Variants in GART observed in about 807,000 individuals in gnomAD.
GART encodes phosphoribosylglycinamide formyltransferase, phosphoribosylglycinamide synthetase, phosphoribosylaminoimidazole synthetase.
GART carries 43 observed loss-of-function variants against 107.2 expected under a neutral mutation model. The observed-to-expected ratio is 0.40, with a 90% confidence interval of 0.31 to 0.52. GART has a LOEUF of 0.52. GART is among the 20% of genes least tolerant of loss of function. The pLI is 0.52. For synonymous variants in GART, 434 were observed against 427.0 expected (o/e 1.02, Z -0.20); for missense variants, 1,107 against 1,206.5 (o/e 0.92, Z 1.22).
In GART at chr21:33,506,207, G is replaced by C. The variant is rs1036262304; in HGVS notation, c.2453-103C>G. 7 of 1,304,640 alleles carry C rather than the reference G, an allele frequency of 5.4e-6. No individual in the cohort carries two copies. In the East Asian group the frequency reaches 1.6e-4, roughly 30 times the overall value. The allele number at this position is 1,304,640 out of a possible 1,614,324, so 80.8% of individuals were successfully genotyped here. Reference sequence around the variant, plus strand: ...GCCCAGGCTAGGAGTGCAGTGCCACGATCTGGGTTCACTGCAACCTCCACC... The same window carrying C: ...GCCCAGGCTAGGAGTGCAGTGCCACCATCTGGGTTCACTGCAACCTCCACC... On this transcript the variant is annotated intron_variant, in intron 18 of 21. Coordinates refer to ENST00000381815, the MANE Select transcript of GART (RefSeq NM_000819.5).
At chr21:33,532,582 T>G (rs1341451068) in intron 4 of GART, 126 bp from the exon 5 acceptor site, 16 of 719,216 alleles carry the variant, frequency 2.2e-5, no homozygotes, top group Non-Finnish European at 3.6e-5. Flanking sequence ...AAATTAATTA[T>G]CATTCCAACA....
intron 1 of GART, among the ~76,000 whole-genome samples, chr21:33,540,141 C>G (rs969112741): frequency 6.6e-6 from 1 of 152,150 alleles, no homozygotes; most frequent in African/African-American, 2.4e-5. Context: ...CTACTCGACT[C>G]GGCCACCTTA....
intron 4 of GART, among the ~76,000 whole-genome samples, chr21:33,534,103 C>T (rs915153802): frequency 7.2e-5 from 11 of 152,178 alleles, no homozygotes; most frequent in Non-Finnish European, 1.0e-4. Context: ...TTCTGGAAAA[C>T]GACAACCCAC....
chr21:33,531,899 A>G, intron 5 of GART: 1 of 275,812 alleles, frequency 3.6e-6, no homozygotes, highest in South Asian at 6.5e-5. Flanking sequence ...GTTTGGCTGT[A>G]ATAACTATAC....
At chr21:33,521,689 G>A (rs1418167417) in intron 12 of GART, among the ~76,000 whole-genome samples, 2 of 150,590 alleles carry the variant, frequency 1.3e-5, no homozygotes, top group Non-Finnish European at 3.0e-5. Context: ...GCCAGACATG[G>A]TGGCTCATGC....
Position 33,517,533 on chromosome 21 carries a change from A to G in GART, c.1778T>C (p.Met593Thr), listed in dbSNP as rs766393455. 3.7e-6 allele frequency: 6 copies of G among 1,614,108 alleles called. No individual in the cohort carries two copies. The highest frequency in any genetic ancestry group is 4.5e-5 in the East Asian group (2 of 44,900). ...GTGAGGGAGTTTCTGATCTCGCTCC[A>G]TGGCACCAACGGCAAACCCAGCTAG... The part of the protein sequence containing the change: ...YDLAGFAVGA[M>T]ERDQKLPHLE... The change falls in exon 15 of 22, where the codon ATG becomes ACG. Residue 593 changes from methionine (M) to threonine (T), a missense_variant. Met to Thr is a moderately conservative substitution (Grantham distance 81). Transcript: ENST00000381815.
At position 33,542,085 on chromosome 21, in the gene GART, G is replaced by A. The variant is rs1347173368; in HGVS notation, c.-62C>T. 6.6e-6 allele frequency: 1 copy of A among 152,250 alleles called. No homozygotes were observed. The highest frequency in any genetic ancestry group is 1.5e-5 in the Non-Finnish European group (1 of 68,056). The allele number at this position is 152,250 out of a possible 1,614,324, so 9.4% of individuals were successfully genotyped here. A position where few individuals can be genotyped will look rare whatever the true frequency, so the allele number is the denominator to read the frequency against. ...CGCACCGACACCGGGTGGCCACCTG[G>A]TTCCCGCTTGCCCGCTCGCCGGAAG... On this transcript the variant is annotated 5_prime_UTR_variant, in exon 1 of 22. Transcript: ENST00000381815.
chr21:33,527,975 A>G (rs2085105898), intron 10 of GART, among the ~76,000 whole-genome samples, 192 bp downstream of exon 10: 1 of 152,204 alleles, frequency 6.6e-6, no homozygotes. Flanking sequence ...AGGGAAATCA[A>G]CGGTTCTCTG....
At chr21:33,515,134 T>C (rs1321604341) in intron 16 of GART, among the ~76,000 whole-genome samples, 1 of 152,222 alleles carries the variant, frequency 6.6e-6, no homozygotes, top group African/African-American at 2.4e-5. Context: ...CACCTTCACC[T>C]GTGCCTTCAG....
At chr21:33,505,762 C>A (rs2084667584) in intron 19 of GART, 60 bp from the exon 20 acceptor site, 7 of 1,470,752 alleles carry the variant, frequency 4.8e-6, no homozygotes, top group Non-Finnish European at 6.4e-6. Context: ...TAATTAAAAA[C>A]TCAACCTTTA....
intron 10 of GART, among the ~76,000 whole-genome samples, 191 bp downstream of exon 10, chr21:33,527,976 C>T (rs71326956): frequency 0.18 from 27,823 of 152,078 alleles, 3,107 homozygotes; most frequent in Non-Finnish European, 0.24. Context: ...GGGAAATCAA[C>T]GGTTCTCTGA....
At chr21:33,534,902 G>A in intron 3 of GART, 149 bp from the exon 4 acceptor site, 1 of 626,676 alleles carries the variant, frequency 1.6e-6, no homozygotes. Context: ...GTTGTCTACT[G>A]GATAGAGATA....
At chr21:33,542,888 C>G, upstream of GART, 1 of 609,458 alleles carries the variant, frequency 1.6e-6, no homozygotes, top group Non-Finnish European at 2.9e-6. Flanking sequence ...AACGTCAGCA[C>G]CTCTACCCCA....
rs1480979304 is a variant in GART at position 33,525,762 on chromosome 21, C to G, written c.1067-762G>C. Among the ~76,000 whole-genome samples, 4 of 151,728 alleles carry G rather than the reference C, an allele frequency of 2.6e-5. No individual in the cohort carries two copies. In the East Asian group the frequency reaches 7.7e-4, roughly 29 times the overall value. The stretch of plus-strand genomic sequence containing the variant: ...CTATTTTAGGATGACAACCTAAATT[C>G]TTGTGTTATCGTAAATCTCATTATA... On this transcript the variant is annotated intron_variant, in intron 10 of 21. Transcript: ENST00000381815.
In GART at chr21:33,532,457, C is replaced by A; in HGVS notation, c.417-1G>T. ...CACAACCAAAGCAGGGAAGTCTGCA[C>A]TGTAAAGACAGAGTAATCGTCAACA... On this transcript the variant is annotated splice_acceptor_variant, in intron 4 of 21. Coordinates refer to ENST00000381815, the MANE Select transcript of GART (RefSeq NM_000819.5). LOFTEE classifies it high-confidence loss of function. 1 of 1,606,946 alleles carries A rather than the reference C, an allele frequency of 6.2e-7. No homozygotes were observed. Among genetic ancestry groups the A allele is most frequent in the Non-Finnish European group, 8.5e-7 (1 of 1,174,252 alleles).
chr21:33,534,222 A>G (rs1003065631), intron 4 of GART, among the ~76,000 whole-genome samples: 22 of 152,022 alleles, frequency 1.4e-4, no homozygotes, highest in Admixed American at 4.6e-4. Flanking sequence ...ATATTTATTT[A>G]ATTTTTTTGA....
intron 10 of GART, 43 bp from the exon 11 acceptor site, chr21:33,525,043 G>T: frequency 6.3e-7 from 1 of 1,581,480 alleles, no homozygotes. Context: ...AATAGCAACA[G>T]TATTTCACAC....
chr21:33,517,191 A>G, intron 15 of GART, 50 bp from the exon 16 acceptor site: 3 of 1,570,998 alleles, frequency 1.9e-6, no homozygotes, highest in Non-Finnish European at 2.6e-6. Flanking sequence ...ATAGAAAACC[A>G]AAACATAAAA....
At chr21:33,512,289 G>GAAAAAAAAAAA in intron 16 of GART, among the ~76,000 whole-genome samples, 1 of 65,442 alleles carries the variant, frequency 1.5e-5, no homozygotes, top group Non-Finnish European at 2.7e-5. Flanking sequence ...GACTCAAATT[G>GAAAAAAAAAAA]AAAAAAAAAA....
Sources: allele counts gnomAD v4.1 joint callset (sites outside exome capture counted in the v4.1 genomes callset), GRCh38; gene constraint gnomAD v4.1.1; transcripts MANE v1.5; gene names NCBI Gene and HGNC (gene_info 2026-07-23, HGNC 2026-07-21).